The following AFF3 variants were observed in gnomAD, a reference collection of about 807,000 sequenced individuals.
AFF3 encodes AF4/FMR2 family member 3.
A neutral mutation model predicts 129.7 loss-of-function variants in AFF3; 32 were observed. The observed-to-expected ratio is 0.25, with a 90% confidence interval of 0.19 to 0.33. The LOEUF is 0.33. Among genes scored for constraint, AFF3 ranks in the 10% least tolerant of loss-of-function variants. The pLI is 1.00. For synonymous variants in AFF3, 644 were observed against 635.4 expected (o/e 1.01, Z -0.20); for missense variants, 1,373 against 1,592.0 (o/e 0.86, Z 2.34).
intron 7 of AFF3, among the ~76,000 whole-genome samples, chr2:99,969,392 A>T (rs892744180): frequency 6.6e-6 from 1 of 152,244 alleles, no homozygotes; most frequent in African/African-American, 2.4e-5. Flanking sequence ...ATGAAGACAG[A>T]TTATTTCTTA....
chr2:99,797,902 A>T (rs1203609945), intron 8 of AFF3, among the ~76,000 whole-genome samples: 1 of 152,186 alleles, frequency 6.6e-6, no homozygotes, highest in African/African-American at 2.4e-5. Context: ...ACTATGGAAA[A>T]TGTTAAAGGA....
At chr2:99,598,678 A>G (rs1197698580) in intron 14 of AFF3, among the ~76,000 whole-genome samples, 1 of 152,206 alleles carries the variant, frequency 6.6e-6, no homozygotes, top group Non-Finnish European at 1.5e-5. Flanking sequence ...AAAGCAGCAC[A>G]AACTGGTCTG....
intron 20 of AFF3, among the ~76,000 whole-genome samples, chr2:99,563,835 A>G (rs1347402060): frequency 7.0e-6 from 1 of 143,138 alleles, no homozygotes; most frequent in Non-Finnish European, 1.5e-5. Context: ...AAAAAAAAAG[A>G]AAGAAAGAAA....
chr2:99,638,135 A>G (rs1222377077), intron 13 of AFF3, among the ~76,000 whole-genome samples: 1 of 150,812 alleles, frequency 6.6e-6, no homozygotes, highest in African/African-American at 2.4e-5. Context: ...GTGCAGTGGC[A>G]TGCTCTTGGC....
intron 18 of AFF3, among the ~76,000 whole-genome samples, chr2:99,577,831 G>A (rs1234123144): frequency 6.6e-6 from 1 of 152,174 alleles, no homozygotes; most frequent in Non-Finnish European, 1.5e-5. Flanking sequence ...GTGTGAAACT[G>A]AAAGTGCTAG....
intron 11 of AFF3, among the ~76,000 whole-genome samples, chr2:99,674,215 A>AC (rs1362878679): frequency 6.6e-6 from 1 of 152,092 alleles, no homozygotes; most frequent in African/African-American, 2.4e-5. Context: ...GTAAAGCGGC[A>AC]CCCCCAATTC....
At chr2:99,895,393 T>C (rs892199806) in intron 7 of AFF3, among the ~76,000 whole-genome samples, 4 of 152,216 alleles carry the variant, frequency 2.6e-5, no homozygotes, top group East Asian at 3.8e-4. Context: ...AGTAGAAGTG[T>C]GTCTTTGATT....
At chr2:100,053,383 T>C (rs1573269771) in intron 4 of AFF3, among the ~76,000 whole-genome samples, 1 of 152,232 alleles carries the variant, frequency 6.6e-6, no homozygotes, top group East Asian at 1.9e-4. Context: ...TGAAAACACA[T>C]GGGGGCATTA....
At chr2:99,966,722 A>G (rs1044535181) in intron 7 of AFF3, among the ~76,000 whole-genome samples, 4 of 130,508 alleles carry the variant, frequency 3.1e-5, no homozygotes, top group Non-Finnish European at 6.7e-5. Flanking sequence ...AAAAAAAAAA[A>G]GAAAATGAAG....
chr2:99,993,549 T>C (rs899767595), intron 7 of AFF3, among the ~76,000 whole-genome samples: 2 of 151,550 alleles, frequency 1.3e-5, no homozygotes, highest in Non-Finnish European at 2.9e-5. Flanking sequence ...AAAACTAATA[T>C]ATAAAAACTA....
intron 2 of AFF3, among the ~76,000 whole-genome samples, chr2:100,119,050 C>T (rs2105551068): frequency 6.6e-6 from 1 of 152,332 alleles, no homozygotes; most frequent in South Asian, 2.1e-4. Flanking sequence ...GATCCGCACA[C>T]CTCGGCCCCC....
intron 2 of AFF3, among the ~76,000 whole-genome samples, chr2:100,111,625 C>T (rs1482770871): frequency 6.6e-6 from 1 of 152,214 alleles, no homozygotes; most frequent in Admixed American, 6.5e-5. Context: ...GTCCTTGCCA[C>T]ATACACAAAA....
intron 7 of AFF3, among the ~76,000 whole-genome samples, chr2:99,884,118 T>G (rs1692927799): frequency 6.6e-6 from 1 of 152,234 alleles, no homozygotes; most frequent in Non-Finnish European, 1.5e-5. Context: ...ATAAAGTAAT[T>G]TGATTATAAT....
chr2:99,738,811 A>G (rs1451067175), intron 10 of AFF3, among the ~76,000 whole-genome samples: 5 of 152,088 alleles, frequency 3.3e-5, no homozygotes, highest in Non-Finnish European at 7.3e-5. Flanking sequence ...CTGTAAGCCC[A>G]AGCCCTTCCT....
intron 8 of AFF3, among the ~76,000 whole-genome samples, chr2:99,766,011 C>T (rs527342072): frequency 1.2e-4 from 18 of 152,162 alleles, no homozygotes; most frequent in Non-Finnish European, 2.4e-4. Flanking sequence ...GAAGCTTTGC[C>T]CTCATGCTAT....
chr2:99,747,119 C>G (rs80154731), intron 9 of AFF3, among the ~76,000 whole-genome samples: 1 of 152,144 alleles, frequency 6.6e-6, no homozygotes, highest in Non-Finnish European at 1.5e-5. Context: ...GCCTCCGCCT[C>G]CCAGGTTCAA....
chr2:99,870,994 A>T (rs1210458814), intron 7 of AFF3, among the ~76,000 whole-genome samples: 3 of 152,188 alleles, frequency 2.0e-5, no homozygotes, highest in African/African-American at 7.2e-5. Context: ...CCTAATCTGA[A>T]AATCTGAAAT....
intron 11 of AFF3, among the ~76,000 whole-genome samples, chr2:99,713,715 C>T (rs1393549302): frequency 6.5e-4 from 96 of 147,270 alleles, no homozygotes; most frequent in African/African-American, 2.1e-3. Flanking sequence ...TTTTTTTTTT[C>T]TAGAGAGAGT....
chr2:99,729,040 AT>A (rs1207632487), intron 10 of AFF3, among the ~76,000 whole-genome samples: 2 of 151,752 alleles, frequency 1.3e-5, no homozygotes, highest in Non-Finnish European at 2.9e-5. Flanking sequence ...ATGGAAGTAT[AT>A]TTTTTTTCTC....
Sources: gnomAD v4.1 joint callset for allele counts (sites outside exome capture counted in the v4.1 genomes callset) on GRCh38, gnomAD v4.1.1 for gene constraint, MANE v1.5 for transcripts, NCBI Gene and HGNC (gene_info 2026-07-23, HGNC 2026-07-21) for gene names.